The following EXOC4 variants were observed in gnomAD, a reference collection of about 807,000 sequenced individuals.
The protein encoded by EXOC4 is exocyst complex component 4.
EXOC4 carries 71 observed loss-of-function variants against 107.2 expected under a neutral mutation model. The observed-to-expected ratio is 0.66, with a 90% CI of 0.55 to 0.81. The LOEUF is 0.81. Ranked by LOEUF, EXOC4 falls within the 30% of genes least tolerant of loss-of-function variation. The pLI is 0.00. For synonymous variants in EXOC4, 456 were observed against 441.2 expected (o/e 1.03, Z -0.42); for missense variants, 1,108 against 1,189.6 (o/e 0.93, Z 1.01).
In EXOC4 at chr7:133,613,703, GGCCATTGTAAAAGA is replaced by G. The variant is rs1417227642; in HGVS notation, c.1418-16341_1418-16328del. 3.9e-5 allele frequency among the ~76,000 whole-genome samples: 6 copies of G among 152,062 alleles called. No homozygotes were observed. The South Asian group carries it at 1.2e-3, about 32-fold the overall frequency. On this transcript the variant is annotated intron_variant, in intron 9 of 17. Transcript: ENST00000253861. ...TCAAGATAAATGAATTCAGTGTAAG[GGCCATTGTAAAAGA>G]AAAGGAAATTTGTGGAGCTGTCACT...
intron 11 of EXOC4, among the ~76,000 whole-genome samples, chr7:133,846,621 G>A (rs189812240): frequency 2.0e-5 from 3 of 152,370 alleles, no homozygotes; most frequent in African/African-American, 7.2e-5. Context: ...GTATAATGCA[G>A]GGACCAACAA....
At chr7:133,552,966 T>G (rs1800620753) in intron 9 of EXOC4, among the ~76,000 whole-genome samples, 1 of 152,304 alleles carries the variant, frequency 6.6e-6, no homozygotes, top group South Asian at 2.1e-4. Context: ...TTGTAAGGTC[T>G]GATCCATTTG....
chr7:133,581,399 G>A (rs1801265537), intron 9 of EXOC4, among the ~76,000 whole-genome samples: 1 of 152,172 alleles, frequency 6.6e-6, no homozygotes, highest in African/African-American at 2.4e-5. Flanking sequence ...CAGATGATAA[G>A]CATAGTACCC....
At chr7:133,419,304 G>A (rs1797549397) in intron 7 of EXOC4, among the ~76,000 whole-genome samples, 1 of 151,826 alleles carries the variant, frequency 6.6e-6, no homozygotes, top group African/African-American at 2.4e-5. Context: ...GGAAGAGGAG[G>A]AAAGGAGACT....
At chr7:133,502,648 G>A (rs1463306348) in intron 9 of EXOC4, among the ~76,000 whole-genome samples, 1 of 152,054 alleles carries the variant, frequency 6.6e-6, no homozygotes, top group Non-Finnish European at 1.5e-5. Context: ...TTGCTAAGTG[G>A]CCTTGTCAAG....
At chr7:133,385,111 G>T (rs1017308940) in intron 7 of EXOC4, among the ~76,000 whole-genome samples, 34 of 152,312 alleles carry the variant, frequency 2.2e-4, no homozygotes, top group African/African-American at 7.7e-4. Flanking sequence ...CTTCATACAT[G>T]ATTGCTAGCT....
intron 17 of EXOC4, among the ~76,000 whole-genome samples, chr7:134,061,601 G>A (rs1796059291): frequency 6.6e-6 from 1 of 152,170 alleles, no homozygotes; most frequent in Non-Finnish European, 1.5e-5. Context: ...AGAATCGTGA[G>A]CCCCAGATTC....
the EXOC4 span, among the ~76,000 whole-genome samples, chr7:134,083,180 G>A: frequency 6.6e-6 from 1 of 152,162 alleles, no homozygotes; most frequent in African/African-American, 2.4e-5. Flanking sequence ...GGACAAGGGA[G>A]GTTCCTACCT....
intron 11 of EXOC4, among the ~76,000 whole-genome samples, chr7:133,827,842 A>C (rs897193151): frequency 1.3e-5 from 2 of 152,228 alleles, no homozygotes; most frequent in African/African-American, 2.4e-5. Context: ...AATTATAGTC[A>C]GTGACACTTG....
intron 3 of EXOC4, among the ~76,000 whole-genome samples, chr7:133,294,382 T>C (rs1403906447): frequency 2.0e-5 from 3 of 152,178 alleles, no homozygotes; most frequent in East Asian, 1.9e-4. Context: ...AGTCAATTCA[T>C]AATTGCATTC....
At chr7:133,458,846 T>A (rs1798522529) in intron 7 of EXOC4, among the ~76,000 whole-genome samples, 1 of 152,250 alleles carries the variant, frequency 6.6e-6, no homozygotes, top group South Asian at 2.1e-4. Context: ...TTGTCAAGGC[T>A]GATAGCCCTC....
intron 10 of EXOC4, among the ~76,000 whole-genome samples, chr7:133,725,256 T>C (rs1585104468): frequency 6.6e-6 from 1 of 152,334 alleles, no homozygotes; most frequent in East Asian, 1.9e-4. Context: ...GAGAATAGTA[T>C]GTGGAAGCAA....
At chr7:133,983,611 A>G (rs1226008126) in intron 14 of EXOC4, among the ~76,000 whole-genome samples, 2 of 152,176 alleles carry the variant, frequency 1.3e-5, no homozygotes, top group Non-Finnish European at 2.9e-5. Context: ...ATTTACATAT[A>G]CTTAAGCTAG....
chr7:133,489,750 A>C (rs1489638612), intron 9 of EXOC4, among the ~76,000 whole-genome samples: 1 of 152,170 alleles, frequency 6.6e-6, no homozygotes, highest in African/African-American at 2.4e-5. Context: ...GGATAAAATA[A>C]TGAACAGGAC....
intron 9 of EXOC4, among the ~76,000 whole-genome samples, chr7:133,588,910 GTA>G (rs940440753): frequency 6.6e-6 from 1 of 151,768 alleles, no homozygotes; most frequent in African/African-American, 2.4e-5. Context: ...ATATGTATGT[GTA>G]TATATATGTG....
intron 10 of EXOC4, among the ~76,000 whole-genome samples, chr7:133,781,891 C>T (rs1796475612): frequency 7.0e-6 from 1 of 141,928 alleles, no homozygotes. Flanking sequence ...ACTTCCAGAC[C>T]TGCCGCATAA....
intron 7 of EXOC4, among the ~76,000 whole-genome samples, chr7:133,470,534 A>G (rs1476381128): frequency 6.6e-6 from 1 of 152,200 alleles, no homozygotes; most frequent in African/African-American, 2.4e-5. Context: ...AAAACAGTGA[A>G]TGATGATATC....
chr7:133,883,897 C>G (rs571901518), intron 11 of EXOC4, among the ~76,000 whole-genome samples: 1 of 152,262 alleles, frequency 6.6e-6, no homozygotes, highest in Non-Finnish European at 1.5e-5. Flanking sequence ...TCACACAAAT[C>G]AAAGCGTAGA....
At chr7:133,553,861 G>T (rs1800641341) in intron 9 of EXOC4, among the ~76,000 whole-genome samples, 1 of 152,040 alleles carries the variant, frequency 6.6e-6, no homozygotes, top group Admixed American at 6.6e-5. Context: ...CATGTCACCA[G>T]TTTCTCCCGC....
Sources: allele counts gnomAD v4.1 joint callset (sites outside exome capture counted in the v4.1 genomes callset), GRCh38; gene constraint gnomAD v4.1.1; transcripts MANE v1.5; gene names NCBI Gene and HGNC (gene_info 2026-07-23, HGNC 2026-07-21).